The following COL4A2 variants were observed in gnomAD, a reference collection of about 807,000 sequenced individuals.
COL4A2 encodes the protein collagen alpha-2(IV) chain.
COL4A2 carries 99 observed loss-of-function variants against 200.2 expected under a neutral mutation model. The ratio of observed to expected loss-of-function variants is 0.49; its 90% confidence interval spans 0.42 to 0.58. The LOEUF is 0.58. COL4A2 is among the 20% of genes least tolerant of loss of function. COL4A2 has a pLI of 0.00. For synonymous variants in COL4A2, 897 were observed against 900.6 expected (o/e 1.00, Z 0.07); for missense variants, 1,950 against 2,314.1 (o/e 0.84, Z 3.23).
At chr13:110,483,737 C>T (rs1055510714) in intron 32 of COL4A2, among the ~76,000 whole-genome samples, 3 of 137,876 alleles carry the variant, frequency 2.2e-5, no homozygotes, top group Non-Finnish European at 3.0e-5. Flanking sequence ...GCGATGGATT[C>T]GCAGTTTCCT....
chr13:110,499,339 C>T (rs1024910224), intron 40 of COL4A2, among the ~76,000 whole-genome samples: 4 of 152,204 alleles, frequency 2.6e-5, no homozygotes, highest in African/African-American at 9.7e-5. Flanking sequence ...GCAAACACAT[C>T]CTTCTTCACT....
chr13:110,456,083 G>A (rs774349027), intron 20 of COL4A2, among the ~76,000 whole-genome samples: 7 of 152,346 alleles, frequency 4.6e-5, no homozygotes, highest in Non-Finnish European at 8.8e-5. Flanking sequence ...TTCTTCTCCA[G>A]TGCGATGGCG....
chr13:110,507,244 G>A (rs1037794957), intron 46 of COL4A2, among the ~76,000 whole-genome samples: 12 of 152,182 alleles, frequency 7.9e-5, no homozygotes, highest in African/African-American at 2.9e-4. Flanking sequence ...GCATGTTGCT[G>A]GCTCATGGTG....
rs770319113 is a variant in COL4A2 at position 110,428,474 on chromosome 13, C to T, written c.368C>T (p.Pro123Leu). Residue 123 changes from proline to leucine, a missense_variant, in exon 7 of 48, where the codon CCG becomes CTG. Around this residue, in one of 2 missense-constraint regions of COL4A2, gnomAD observed 565 missense variants for 593.5 expected, o/e 0.95. Transcript: ENST00000360467. ...CACTGCTCTCTTTCCCAGGGACACC[C>T]GGGGCAAGGTGGGCCCAGGGGAAGG... ...FPGADGIPGH[P>L]GQGGPRGRPG... 1.1e-5 allele frequency: 17 copies of T among 1,573,686 alleles called. No homozygotes were observed. The East Asian group carries it at 1.7e-4, about 16-fold the overall frequency.
chr13:110,348,080 T>G (rs1360493015), intron 3 of COL4A2, among the ~76,000 whole-genome samples: 1 of 152,226 alleles, frequency 6.6e-6, no homozygotes, highest in Admixed American at 6.5e-5. Context: ...GTCATTTCTT[T>G]CTGGTTCTCC....
rs1260289358 is a variant in COL4A2 at position 110,507,984 on chromosome 13, C to T, written c.4644C>T (p.Tyr1548=). 2 of 1,614,202 alleles carry T rather than the reference C, an allele frequency of 1.2e-6. No homozygotes were observed. The highest frequency in any genetic ancestry group is 1.7e-5 in the Admixed American group (1 of 60,034). ...LARFSTMPFL[Y]CNPGDVCYYA... ...GGTTCAGCACCATGCCCTTCCTGTA[C>T]TGCAACCCTGGTGATGTCTGCTACT... The change falls in exon 47 of 48, where the codon TAC becomes TAT. Residue 1548 remains tyrosine, a synonymous_variant. Transcript: ENST00000360467.
Position 110,452,821 on chromosome 13 carries a change from G to A in COL4A2, c.1339+2367G>A, listed in dbSNP as rs374967614. On this transcript the variant is annotated intron_variant, in intron 20 of 47. Transcript: ENST00000360467. The stretch of plus-strand genomic sequence containing the variant: ...TCTGTATCCCAGGCTGGAGTGCAGT[G>A]GTATGATCTCTGCTCACTGCAACCT... 3.9e-5 allele frequency among the ~76,000 whole-genome samples: 6 copies of A among 152,084 alleles called. No individual in the cohort carries two copies. The East Asian group carries it at 7.7e-4, about 20-fold the overall frequency.
chr13:110,350,739 T>C (rs1876920899), intron 3 of COL4A2, among the ~76,000 whole-genome samples: 1 of 152,130 alleles, frequency 6.6e-6, no homozygotes, highest in African/African-American at 2.4e-5. Flanking sequence ...AGAAAGCAGG[T>C]TCTGCTCCAA....
At chr13:110,468,152 G>T in intron 27 of COL4A2, 1 of 471,224 alleles carries the variant, frequency 2.1e-6, no homozygotes, top group Non-Finnish European at 4.4e-6. Context: ...CATTCTATGT[G>T]CCCTGCACCT....
intron 20 of COL4A2, among the ~76,000 whole-genome samples, chr13:110,451,790 G>A (rs754518459): frequency 6.6e-6 from 1 of 152,220 alleles, no homozygotes; most frequent in Non-Finnish European, 1.5e-5. Context: ...TGTATTTTAT[G>A]TGTGGCCCAA....
At chr13:110,422,107 T>A (rs1049146292) in intron 4 of COL4A2, among the ~76,000 whole-genome samples, 5 of 152,122 alleles carry the variant, frequency 3.3e-5, no homozygotes, top group African/African-American at 9.7e-5. Flanking sequence ...ACAGTCCTGA[T>A]AAGAAACATT....
chr13:110,316,228 T>C (rs1885125801), intron 3 of COL4A2, among the ~76,000 whole-genome samples: 1 of 152,210 alleles, frequency 6.6e-6, no homozygotes, highest in African/African-American at 2.4e-5. Flanking sequence ...ACAATATTTT[T>C]CCACATGTTG....
At chr13:110,482,380 C>T (rs974499895) in intron 31 of COL4A2, 136 bp from the exon 32 acceptor site, 2 of 896,864 alleles carry the variant, frequency 2.2e-6, no homozygotes, top group African/African-American at 3.3e-5. Flanking sequence ...AAGATGGTGT[C>T]CCCGGAAATC....
rs903206779 is a variant in COL4A2, at chr13:110,447,001, A to T, written c.1078+137A>T. Reference sequence around the variant, plus strand: ...AAAGTATAATAATAATAAAAAAAATAAAAAATAAACCACGAAATTTAGAAC... The same window carrying T: ...AAAGTATAATAATAATAAAAAAAATTAAAAATAAACCACGAAATTTAGAAC... On this transcript the variant is annotated intron_variant, in intron 18 of 47. Coordinates refer to ENST00000360467, the MANE Select transcript of COL4A2 (RefSeq NM_001846.4). 2.9e-4 allele frequency: 147 copies of T among 498,898 alleles called. 1 individual carries two copies. The highest frequency in any genetic ancestry group is 4.2e-4 in the Non-Finnish European group (133 of 316,214). 30.9% of individuals were successfully genotyped at this position (498,898 alleles called of 1,614,324 possible). A position where few individuals can be genotyped will look rare whatever the true frequency, so the allele number is the denominator to read the frequency against.
chr13:110,446,657 C>CT (rs1881336760), intron 17 of COL4A2, 141 bp from the exon 18 acceptor site: 1 of 657,220 alleles, frequency 1.5e-6, no homozygotes, highest in South Asian at 1.9e-5. Context: ...GCCCCAGGCA[C>CT]TGTCTGTGGT....
chr13:110,466,237 A>G (rs754268069), intron 26 of COL4A2, among the ~76,000 whole-genome samples, 175 bp downstream of exon 26: 7 of 152,220 alleles, frequency 4.6e-5, no homozygotes, highest in Non-Finnish European at 7.3e-5. Flanking sequence ...ATGAATGACA[A>G]CCTGGTAGAG....
intron 3 of COL4A2, among the ~76,000 whole-genome samples, chr13:110,347,500 A>T (rs1050944537): frequency 1.1e-4 from 17 of 152,064 alleles, no homozygotes; most frequent in African/African-American, 3.6e-4. Context: ...TTGGCCCCTC[A>T]CACCTGCTCT....
chr13:110,419,390 CT>C (rs1413577896), intron 4 of COL4A2, among the ~76,000 whole-genome samples: 1 of 152,178 alleles, frequency 6.6e-6, no homozygotes. Context: ...AAATGAAACT[CT>C]TTCTACTCCC....
intron 29 of COL4A2, among the ~76,000 whole-genome samples, chr13:110,473,840 TG>T (rs1347578821): frequency 1.3e-5 from 2 of 152,154 alleles, no homozygotes; most frequent in Non-Finnish European, 2.9e-5. Context: ...AAATCAAAAA[TG>T]AGGCTGAGCA....
Sources: allele counts gnomAD v4.1 joint callset (sites outside exome capture counted in the v4.1 genomes callset), GRCh38; gene constraint gnomAD v4.1.1; regional missense constraint gnomAD v4.1.1; transcripts MANE v1.5; gene names NCBI Gene and HGNC (gene_info 2026-07-23, HGNC 2026-07-21).